The following RIGI variants were observed in gnomAD, a reference collection of about 807,000 sequenced individuals.
RIGI encodes antiviral innate immune response receptor RIG-I.
At chr9:32,526,032 G>A in the RIGI span, 6 of 1,551,942 alleles carry the variant, frequency 3.9e-6, no homozygotes, top group East Asian at 2.2e-5. Context: ...ATTGTTTTCC[G>A]CCGAGAAGGC....
At chr9:32,495,552 T>C in the RIGI span, among the ~76,000 whole-genome samples, 5 of 152,140 alleles carry the variant, frequency 3.3e-5, no homozygotes, top group Non-Finnish European at 5.9e-5. Flanking sequence ...TGATATTGCA[T>C]TATGGCTTTG....
At chr9:32,485,531 CTTTTTTTTT>C in the RIGI span, 14 of 323,502 alleles carry the variant, frequency 4.3e-5, no homozygotes, top group African/African-American at 1.3e-4. Flanking sequence ...TAACTAGCTT[CTTTTTTTTT>C]TTTTTTTTTT....
the RIGI span, among the ~76,000 whole-genome samples, chr9:32,461,461 C>T: frequency 3.3e-5 from 5 of 152,218 alleles, no homozygotes; most frequent in Non-Finnish European, 5.9e-5. Context: ...TATGCTTTCA[C>T]GTGTCCCAGG....
chr9:32,461,288 A>G, the RIGI span, among the ~76,000 whole-genome samples: 4 of 152,250 alleles, frequency 2.6e-5, no homozygotes, highest in Non-Finnish European at 4.4e-5. Flanking sequence ...ATTTACCCTA[A>G]AAGAATGGCT....
the RIGI span, among the ~76,000 whole-genome samples, chr9:32,508,259 A>T: frequency 0.035 from 79 of 2,274 alleles, no homozygotes; most frequent in Non-Finnish European, 0.064. Flanking sequence ...TTTTTTTTTT[A>T]CTATATGAAA....
chr9:32,463,889 C>CTTTTTTTTTTTTTTTTTTTT, the RIGI span, among the ~76,000 whole-genome samples: 4 of 135,894 alleles, frequency 2.9e-5, 1 homozygote, highest in African/African-American at 5.3e-5. Context: ...ATTCTGATTT[C>CTTTTTTTTTTTTTTTTTTTT]AAATAAACCT....
At chr9:32,488,528 T>A in the RIGI span, among the ~76,000 whole-genome samples, 1 of 152,192 alleles carries the variant, frequency 6.6e-6, no homozygotes, top group Admixed American at 6.5e-5. Flanking sequence ...AGTCATTTAC[T>A]CCCCATAGAA....
At chr9:32,503,055 T>A in the RIGI span, among the ~76,000 whole-genome samples, 4 of 152,182 alleles carry the variant, frequency 2.6e-5, no homozygotes, top group African/African-American at 7.2e-5. Context: ...TCTTGTCACC[T>A]ATCCCAGCTT....
the RIGI span, among the ~76,000 whole-genome samples, chr9:32,491,585 G>A: frequency 6.6e-6 from 1 of 151,970 alleles, no homozygotes. Flanking sequence ...ATCATTTTGA[G>A]TTTAAAATCT....
At chr9:32,502,231 A>G in the RIGI span, among the ~76,000 whole-genome samples, 2 of 152,234 alleles carry the variant, frequency 1.3e-5, no homozygotes, top group Non-Finnish European at 2.9e-5. Context: ...CTGTATGGAT[A>G]CACCACATTT....
chr9:32,473,016 G>A, the RIGI span: 1 of 1,610,368 alleles, frequency 6.2e-7, no homozygotes, highest in Non-Finnish European at 8.5e-7. Context: ...CAATATGCCA[G>A]GTTTTAGAAA....
the RIGI span, chr9:32,492,483 A>C: frequency 6.2e-7 from 1 of 1,614,202 alleles, no homozygotes; most frequent in South Asian, 1.1e-5. Flanking sequence ...GTCTGATCTG[A>C]GAAGGCATTC....
the RIGI span, chr9:32,457,493 A>AAAAAAAAG: frequency 7.8e-5 from 90 of 1,160,740 alleles, no homozygotes; most frequent in African/African-American, 3.4e-4. Flanking sequence ...TAAAAAAAAA[A>AAAAAAAAG]AAAAGAAAAC....
chr9:32,488,251 G>C, the RIGI span: 1 of 1,567,700 alleles, frequency 6.4e-7, no homozygotes, highest in African/African-American at 1.4e-5. Flanking sequence ...TGTGGATAAG[G>C]AACCACAAAG....
chr9:32,493,097 C>G, the RIGI span, among the ~76,000 whole-genome samples: 2 of 152,134 alleles, frequency 1.3e-5, no homozygotes, highest in Non-Finnish European at 2.9e-5. Flanking sequence ...TTCAGAGAAA[C>G]TAAGTAACTT....
the RIGI span, among the ~76,000 whole-genome samples, chr9:32,511,374 A>C: frequency 6.6e-6 from 1 of 152,010 alleles, no homozygotes; most frequent in Admixed American, 6.6e-5. Context: ...AACGGAAATC[A>C]TAACAGTCTG....
At chr9:32,461,270 A>G in the RIGI span, among the ~76,000 whole-genome samples, 4 of 152,258 alleles carry the variant, frequency 2.6e-5, no homozygotes, top group African/African-American at 7.2e-5. Context: ...AGAATCTGTC[A>G]TCAGCAGATT....
chr9:32,493,784 G>A, the RIGI span: 1 of 1,585,380 alleles, frequency 6.3e-7, no homozygotes. Flanking sequence ...TCACATTCCT[G>A]ATTAATTAAA....
At chr9:32,525,265 C>T in the RIGI span, among the ~76,000 whole-genome samples, 1 of 152,182 alleles carries the variant, frequency 6.6e-6, no homozygotes, top group Non-Finnish European at 1.5e-5. Context: ...TTCCCGCGTT[C>T]GCCCCTCTTT....
Sources: gnomAD v4.1 joint callset for allele counts (sites outside exome capture counted in the v4.1 genomes callset) on GRCh38, gnomAD v4.1.1 for gene constraint, MANE v1.5 for transcripts, NCBI Gene and HGNC (gene_info 2026-07-23, HGNC 2026-07-21) for gene names.